The following ATP10A variants were observed in gnomAD, a reference collection of about 807,000 sequenced individuals.
The protein encoded by ATP10A is ATPase phospholipid transporting 10A (putative).
Under a neutral mutation model 147.8 loss-of-function variants are expected in ATP10A, and 111 were observed. That is an observed-to-expected ratio of 0.75 (90% CI 0.64 to 0.88). The LOEUF is 0.88. Ranked by LOEUF, ATP10A falls within the 40% of genes least tolerant of loss-of-function variation. The pLI is 0.00. For synonymous variants in ATP10A, 875 were observed against 841.6 expected (o/e 1.04, Z -0.69); for missense variants, 1,927 against 1,959.0 (o/e 0.98, Z 0.31).
At position 25,731,099 on chromosome 15, in the gene ATP10A, T is replaced by A. The variant is rs376459252; in HGVS notation, c.741-3833A>T. Among the ~76,000 whole-genome samples, 28 of 152,272 alleles carry A rather than the reference T, an allele frequency of 1.8e-4. No individual in the cohort carries two copies. The East Asian group carries it at 5.0e-3, about 27-fold the overall frequency. ...GCCCTGCTGTCTTTACTAACCACCG[T>A]CTCTGAAGGGTGTCACCCACCAGGG... On this transcript the variant is annotated intron_variant, in intron 3 of 20. Coordinates refer to ENST00000555815, the MANE Select transcript of ATP10A (RefSeq NM_024490.4).
intron 3 of ATP10A, among the ~76,000 whole-genome samples, chr15:25,728,673 T>C (rs185460147): frequency 2.3e-4 from 35 of 152,350 alleles, no homozygotes; most frequent in Non-Finnish European, 4.6e-4. Context: ...GTTCAGGTTA[T>C]GCTTATTAAG....
At chr15:25,688,847 C>T (rs960824685) in intron 15 of ATP10A, among the ~76,000 whole-genome samples, 3 of 152,210 alleles carry the variant, frequency 2.0e-5, no homozygotes, top group Admixed American at 1.3e-4. Flanking sequence ...TTGCTGTCAA[C>T]ACATAGGGGC....
At chr15:25,848,020 G>A (rs955730529) in intron 1 of ATP10A, among the ~76,000 whole-genome samples, 4 of 152,112 alleles carry the variant, frequency 2.6e-5, no homozygotes, top group African/African-American at 9.7e-5. Flanking sequence ...AGGCATGGCA[G>A]ATAGAGCCTG....
intron 1 of ATP10A, among the ~76,000 whole-genome samples, chr15:25,817,632 T>C (rs1321818273): frequency 6.6e-6 from 1 of 152,154 alleles, no homozygotes; most frequent in Non-Finnish European, 1.5e-5. Context: ...TTCTTTCCTT[T>C]CCCCCAAATC....
chr15:25,779,824 C>T (rs548991032), intron 2 of ATP10A, among the ~76,000 whole-genome samples: 179 of 149,326 alleles, frequency 1.2e-3, no homozygotes, highest in Non-Finnish European at 2.1e-3. Context: ...CAAAAATACA[C>T]TTGGCATAAA....
intron 2 of ATP10A, among the ~76,000 whole-genome samples, chr15:25,753,058 T>G (rs1048480421): frequency 6.6e-6 from 1 of 152,222 alleles, no homozygotes; most frequent in Non-Finnish European, 1.5e-5. Flanking sequence ...CTAGTTAACA[T>G]ATCTATCACT....
At chr15:25,720,124 C>A (rs1024374341) in intron 7 of ATP10A, among the ~76,000 whole-genome samples, 2 of 152,166 alleles carry the variant, frequency 1.3e-5, no homozygotes, top group Non-Finnish European at 2.9e-5. Context: ...TGGGATCCTG[C>A]CCCTGGGAGC....
chr15:25,863,407 C>T (rs956843825), upstream of ATP10A, among the ~76,000 whole-genome samples: 2 of 152,018 alleles, frequency 1.3e-5, no homozygotes, highest in African/African-American at 4.8e-5. Context: ...GGCCACGGCC[C>T]CGCCCTCGTT....
chr15:25,686,091 C>G (rs1899698884), intron 16 of ATP10A, among the ~76,000 whole-genome samples: 1 of 152,164 alleles, frequency 6.6e-6, no homozygotes, highest in African/African-American at 2.4e-5. Context: ...GTCCCAGGCA[C>G]AGCCTAATCT....
intron 1 of ATP10A, among the ~76,000 whole-genome samples, chr15:25,796,025 T>C (rs1470385): frequency 0.35 from 52,504 of 152,094 alleles, 9,290 homozygotes; most frequent in African/African-American, 0.39. Context: ...GCTGGTGCCA[T>C]GCTTCCTGTA....
chr15:25,800,024 G>C (rs146123547), intron 1 of ATP10A, among the ~76,000 whole-genome samples: 40 of 152,238 alleles, frequency 2.6e-4, no homozygotes, highest in South Asian at 6.2e-4. Context: ...GAGGAAAAGC[G>C]ACAAAGAACC....
At chr15:25,859,970 G>C (rs1324565776) in intron 1 of ATP10A, among the ~76,000 whole-genome samples, 1 of 152,134 alleles carries the variant, frequency 6.6e-6, no homozygotes, top group Admixed American at 6.5e-5. Context: ...ACAGCAGCTA[G>C]AGCAGCAACA....
chr15:25,850,831 T>C (rs1893261745), intron 1 of ATP10A, among the ~76,000 whole-genome samples: 1 of 152,188 alleles, frequency 6.6e-6, no homozygotes, highest in Admixed American at 6.5e-5. Context: ...TTTTAAACTG[T>C]TATTAGAAGT....
intron 13 of ATP10A, among the ~76,000 whole-genome samples, chr15:25,698,771 T>A (rs1302255092): frequency 6.6e-6 from 1 of 152,212 alleles, no homozygotes; most frequent in Non-Finnish European, 1.5e-5. Context: ...TTTGGATGGG[T>A]CTTTTGGGGT....
chr15:25,714,492 A>T (rs112617208), intron 9 of ATP10A, among the ~76,000 whole-genome samples: 161 of 152,154 alleles, frequency 1.1e-3, no homozygotes, highest in Middle Eastern at 3.4e-3. Context: ...ATAATAATAA[A>T]AAAAGAAATT....
At position 25,683,480 on chromosome 15, in the gene ATP10A, C is replaced by A; in HGVS notation, c.3298G>T (p.Val1100Leu). 1 of 1,612,212 alleles carries A rather than the reference C, an allele frequency of 6.2e-7. No homozygotes were observed. The highest frequency in any genetic ancestry group is 8.5e-7 in the Non-Finnish European group (1 of 1,179,102). Residue 1100 changes from valine (V) to leucine (L), a missense_variant, in exon 17 of 21, where the codon GTG becomes TTG. Physicochemically the swap from Val to Leu is conservative, Grantham distance 32 (BLOSUM62 1). Transcript: ENST00000555815. ...LYFFYKNTMF[V>L]GLLFWFQFFC... ...AACTGGAACCAAAACAGGAGGCCCA[C>A]GAACATCTGAAATCAAGAAAGGAAG...
intron 1 of ATP10A, among the ~76,000 whole-genome samples, chr15:25,837,652 C>T (rs555824857): frequency 1.1e-4 from 17 of 152,274 alleles, no homozygotes; most frequent in African/African-American, 3.9e-4. Flanking sequence ...AGAGGATTTC[C>T]CATCTAACAT....
In ATP10A at chr15:25,681,209, C is replaced by T. The variant is rs147349987; in HGVS notation, c.3493-135G>A. 1,159 of 799,408 alleles carry T rather than the reference C, an allele frequency of 1.4e-3. 9 individuals are homozygous for T. The highest frequency in any genetic ancestry group is 0.013 in the Middle Eastern group (41 of 3,200). 49.5% of individuals were successfully genotyped at this position (799,408 alleles called of 1,614,324 possible). On this transcript the variant is annotated intron_variant, in intron 17 of 20. Transcript: ENST00000555815. ...CAAAAACCCACCCTGAGGAGTAGAG[C>T]TGGGAAAGGCCATGAAGGGAGGGTT...
chr15:25,808,701 T>G (rs1279901780), intron 1 of ATP10A, among the ~76,000 whole-genome samples: 1 of 152,202 alleles, frequency 6.6e-6, no homozygotes, highest in Non-Finnish European at 1.5e-5. Flanking sequence ...GTTTTATAAG[T>G]AACTACTGAT....
Sources: gnomAD v4.1 joint callset for allele counts (sites outside exome capture counted in the v4.1 genomes callset) on GRCh38, gnomAD v4.1.1 for gene constraint, MANE v1.5 for transcripts, NCBI Gene and HGNC (gene_info 2026-07-23, HGNC 2026-07-21) for gene names.